POLR3A: variants seen among roughly 807,000 people sequenced by gnomAD.
POLR3A encodes DNA-directed RNA polymerase III subunit RPC1.
POLR3A carries 112 observed loss-of-function variants against 152.8 expected under a neutral mutation model. The ratio of observed to expected loss-of-function variants is 0.73; its 90% CI spans 0.63 to 0.86. The LOEUF (loss-of-function observed/expected upper bound fraction) is 0.86. Ranked by LOEUF, POLR3A falls within the 40% of genes least tolerant of loss-of-function variation. The pLI, the probability that POLR3A is intolerant of heterozygous loss-of-function variation, is 0.00. For missense variants in POLR3A, 1,385 were observed against 1,743.1 expected (o/e 0.79, Z 3.66); for synonymous variants, 615 against 652.1 (o/e 0.94, Z 0.87).
At chr10:77,979,379 C>A (rs954328858) in intron 30 of POLR3A, among the ~76,000 whole-genome samples, 2 of 152,154 alleles carry the variant, frequency 1.3e-5, no homozygotes, top group Admixed American at 1.3e-4. Context: ...CGAACCCCAG[C>A]CCCTTACCAG....
chr10:78,028,642 C>A (rs1847660356), intron 1 of POLR3A, among the ~76,000 whole-genome samples: 1 of 151,898 alleles, frequency 6.6e-6, no homozygotes, highest in African/African-American at 2.4e-5. Flanking sequence ...TAGCTGGGAC[C>A]ACAAGGGCGC....
At chr10:77,984,610 G>A (rs977004693) in intron 24 of POLR3A, among the ~76,000 whole-genome samples, 1 of 152,214 alleles carries the variant, frequency 6.6e-6, no homozygotes, top group Non-Finnish European at 1.5e-5. Flanking sequence ...CCAAAGTGCT[G>A]GGATTACAGG....
chr10:77,995,308 A>G lies in POLR3A; in HGVS notation c.2617-1941T>C, dbSNP rs192410954. Among the ~76,000 whole-genome samples the G allele has an allele frequency of 5.0e-3, 764 of 152,228 alleles. 8 individuals carry two copies. Among genetic ancestry groups the G allele is most frequent in the African/African-American group, 0.017 (725 of 41,550 alleles). ...AATGACAGGATCAAATTCACAAATAAAATATTAACTTTAAATGTAAATGGG... is the reference window on the plus strand; with the variant it reads ...AATGACAGGATCAAATTCACAAATAGAATATTAACTTTAAATGTAAATGGG... On this transcript the variant is annotated intron_variant, in intron 19 of 30. Coordinates refer to ENST00000372371, the MANE Select transcript of POLR3A (RefSeq NM_007055.4).
At chr10:77,993,808 AG>A (rs1423929581) in intron 19 of POLR3A, among the ~76,000 whole-genome samples, 4 of 152,170 alleles carry the variant, frequency 2.6e-5, no homozygotes, top group Non-Finnish European at 4.4e-5. Flanking sequence ...TCTGGGACAG[AG>A]GGGGAAGAAG....
intron 11 of POLR3A, among the ~76,000 whole-genome samples, chr10:78,012,848 A>G (rs1233352286): frequency 2.6e-5 from 4 of 152,140 alleles, no homozygotes; most frequent in Non-Finnish European, 5.9e-5. Flanking sequence ...CAGCTTCCTG[A>G]GTAGCTGGGA....
chr10:77,996,556 A>G (rs1308136289), intron 19 of POLR3A, among the ~76,000 whole-genome samples: 1 of 152,324 alleles, frequency 6.6e-6, no homozygotes, highest in African/African-American at 2.4e-5. Flanking sequence ...AAACTAGAAA[A>G]TCTAGAAGAA....
At position 78,009,516 on chromosome 10, in the gene POLR3A, A is replaced by C. The variant is rs1420645389; in HGVS notation, c.1909+21T>G. On this transcript the variant is annotated intron_variant, in intron 14 of 30. Transcript: ENST00000372371. ...TTCTGTCACGTTCCTCCTTCTCCCC[A>C]CCCGAGTTCCGTCCACTCACAGGAA... 5 of 1,613,966 alleles carry C rather than the reference A, an allele frequency of 3.1e-6. No individual in the cohort carries two copies. The African/African-American group carries it at 5.3e-5, about 17-fold the overall frequency.
At chr10:77,996,216 T>C (rs976451408) in intron 19 of POLR3A, among the ~76,000 whole-genome samples, 4 of 151,788 alleles carry the variant, frequency 2.6e-5, no homozygotes, top group African/African-American at 7.3e-5. Context: ...GCAGGAAAGA[T>C]CTAAAATTGA....
rs1471447557 is a variant in POLR3A at position 78,022,246 on chromosome 10, TAC to T, written c.782_783del (p.Cys261TyrfsTer8). 1 of 1,614,248 alleles carries T rather than the reference TAC, an allele frequency of 6.2e-7. No homozygotes were observed. The highest frequency in any genetic ancestry group is 1.1e-5 in the South Asian group (1 of 91,092). ...ILTRLLVPPL[C>X]IRPSVVSDLK... is the part of the protein sequence containing the mutation. ...AAATCACTCACAACGGAGGGTCTGATACACAAAGGAGGCACCAAAAGTCGTGT... is the reference window on the plus strand; with the variant it reads ...AAATCACTCACAACGGAGGGTCTGATACAAAGGAGGCACCAAAAGTCGTGT... On this transcript the variant is annotated frameshift_variant, in exon 6 of 31. Transcript: ENST00000372371. LOFTEE classifies it high-confidence loss of function.
rs138218228 is a variant in POLR3A, at chr10:77,989,354, C to T, written c.2901+1700G>A. Among the ~76,000 whole-genome samples, 529 of 152,268 alleles carry T rather than the reference C, an allele frequency of 3.5e-3. 5 individuals are homozygous for T. The highest frequency in any genetic ancestry group is 0.012 in the African/African-American group (490 of 41,556). On this transcript the variant is annotated intron_variant, in intron 21 of 30. Coordinates refer to ENST00000372371, the MANE Select transcript of POLR3A (RefSeq NM_007055.4). ...TGCCTCTGTCACCTCAGCTCTGATA[C>T]GGGCTAGGGCTGGAGAACATTTCAC... is the stretch of plus-strand genomic sequence containing the variant.
intron 10 of POLR3A, among the ~76,000 whole-genome samples, chr10:78,016,365 T>C (rs965665556): frequency 1.6e-4 from 24 of 148,300 alleles, no homozygotes; most frequent in Non-Finnish European, 7.4e-5. Context: ...GCACAGGAGA[T>C]TGCGACCCAT....
intron 20 of POLR3A, among the ~76,000 whole-genome samples, chr10:77,992,147 A>T (rs1284042364): frequency 6.6e-6 from 1 of 152,206 alleles, no homozygotes; most frequent in African/African-American, 2.4e-5. Flanking sequence ...TTCAATGCCC[A>T]TGACTTATAA....
chr10:77,991,176 T>C lies in POLR3A; in HGVS notation c.2788-9A>G, dbSNP rs1158423039. ...GGACACGGGAAGACTGCCTTGAGTA[T>C]TAAAAGAAAATTGCATTATGTGTGG... On this transcript the variant is annotated splice_polypyrimidine_tract_variant and intron_variant, in intron 20 of 30. Transcript: ENST00000372371. The C allele has an allele frequency of 1.9e-6, 3 of 1,561,530 alleles. No individual in the cohort carries two copies. The highest frequency in any genetic ancestry group is 2.2e-5 in the South Asian group (2 of 90,014).
rs775708213 is a variant in POLR3A at position 77,991,166 on chromosome 10, G to A, written c.2789C>T (p.Ala930Val). The change falls in exon 21 of 31, where the codon GCA becomes GTA. Residue 930 changes from alanine to valine, a missense_variant and splice_region_variant. This residue lies in a region of POLR3A where 178 missense variants were observed against 204.6 expected (regional missense o/e 0.87). Transcript: ENST00000372371. ...EFKRVLDNIKAVFPCPSEPAL... is the reference protein window; with the variant it reads ...EFKRVLDNIKVVFPCPSEPAL... ...AGGCTCACTGGGACACGGGAAGACT[G>A]CCTTGAGTATTAAAAGAAAATTGCA... 7 of 1,592,032 alleles carry A rather than the reference G, an allele frequency of 4.4e-6. No individual in the cohort carries two copies. Among genetic ancestry groups the A allele is most frequent in the Middle Eastern group, 1.7e-4 (1 of 6,022 alleles).
At chr10:78,013,846 G>A (rs372200202) in intron 10 of POLR3A, 56 bp from the exon 11 acceptor site, 2 of 1,610,446 alleles carry the variant, frequency 1.2e-6, no homozygotes, top group East Asian at 4.5e-5. Context: ...TTATCCAAAA[G>A]CTTCTCTGTT....
At chr10:77,984,438 G>C in intron 24 of POLR3A, 140 bp from the exon 25 acceptor site, 1 of 686,878 alleles carries the variant, frequency 1.5e-6, no homozygotes, top group Non-Finnish European at 2.7e-6. Context: ...CTGCCTCCCA[G>C]GTTCATGCCA....
At position 77,982,216 on chromosome 10, in the gene POLR3A, G is replaced by A. The variant is rs576629157; in HGVS notation, c.3697C>T (p.Arg1233Trp). 8 of 1,613,844 alleles carry A rather than the reference G, an allele frequency of 5.0e-6. No individual in the cohort carries two copies. The highest frequency in any genetic ancestry group is 4.5e-5 in the East Asian group (2 of 44,882). ...YKLLVEGDNL[R>W]AVMATHGVKG... is the part of the protein sequence containing the mutation. ...ACACCGTGTGTGGCCATGACTGCCCGCAGGTTATCACCTTCCACCAGAAGC... is the reference window on the plus strand; with the variant it reads ...ACACCGTGTGTGGCCATGACTGCCCACAGGTTATCACCTTCCACCAGAAGC... The change falls in exon 28 of 31, where the codon CGG becomes TGG. Residue 1233 changes from arginine (R) to tryptophan (W), a missense_variant. By Grantham distance (101) the Arg-to-Trp change is moderately radical (BLOSUM62 -3). Around this residue, in one of 7 missense-constraint regions of POLR3A, gnomAD observed 332 missense variants for 400.1 expected, o/e 0.83. Coordinates refer to ENST00000372371, the MANE Select transcript of POLR3A (RefSeq NM_007055.4).
At chr10:77,980,662 T>C (rs756568409) in intron 29 of POLR3A, among the ~76,000 whole-genome samples, 2 of 152,202 alleles carry the variant, frequency 1.3e-5, no homozygotes, top group Admixed American at 6.6e-5. Flanking sequence ...TATTGTGCCA[T>C]AATTTAAAAA....
intron 15 of POLR3A, among the ~76,000 whole-genome samples, chr10:78,005,741 T>G (rs1361058539): frequency 6.6e-6 from 1 of 152,230 alleles, no homozygotes; most frequent in Non-Finnish European, 1.5e-5. Flanking sequence ...CTGTAGGAGA[T>G]GGGAGTTCGC....
Sources: allele counts gnomAD v4.1 joint callset (sites outside exome capture counted in the v4.1 genomes callset), GRCh38; gene constraint gnomAD v4.1.1; regional missense constraint gnomAD v4.1.1; transcripts MANE v1.5; gene names NCBI Gene and HGNC (gene_info 2026-07-23, HGNC 2026-07-21).